Variants in FAF1 observed in about 807,000 individuals in gnomAD.
FAF1 encodes FAS-associated factor 1.
A neutral mutation model predicts 92.5 loss-of-function variants in FAF1; 25 were observed. The observed-to-expected ratio is 0.27, with a 90% CI of 0.20 to 0.38. The LOEUF (loss-of-function observed/expected upper bound fraction) is 0.38, where lower values mean the gene tolerates loss of function less well. FAF1 is among the 10% of genes least tolerant of loss of function. The pLI, the probability that FAF1 is intolerant of heterozygous loss-of-function variation, is 1.00. For missense variants in FAF1, 636 were observed against 793.3 expected, an observed-to-expected ratio of 0.80 and a Z score of 2.38; for synonymous variants, 234 against 273.2, an observed-to-expected ratio of 0.86 and a Z score of 1.42.
At chr1:50,443,426 G>A (rs532148828) in intron 18 of FAF1, among the ~76,000 whole-genome samples, 2 of 152,262 alleles carry the variant, frequency 1.3e-5, no homozygotes, top group South Asian at 2.1e-4. Flanking sequence ...TTTCTTGAAC[G>A]CCTACTATAT....
chr1:50,810,603 T>G (rs1443518157), intron 2 of FAF1, among the ~76,000 whole-genome samples: 5 of 152,102 alleles, frequency 3.3e-5, no homozygotes, highest in Non-Finnish European at 5.9e-5. Context: ...GAGAAAGAAA[T>G]AAAAGGCATC....
At chr1:50,951,611 T>G (rs986294881) in intron 1 of FAF1, among the ~76,000 whole-genome samples, 2 of 152,212 alleles carry the variant, frequency 1.3e-5, no homozygotes, top group African/African-American at 2.4e-5. Flanking sequence ...ACCATTAAAT[T>G]TAATTCTACA....
intron 1 of FAF1, among the ~76,000 whole-genome samples, chr1:50,940,920 T>C (rs1029869165): frequency 8.5e-5 from 13 of 152,168 alleles, no homozygotes; most frequent in African/African-American, 2.9e-4. Flanking sequence ...AAAACTACAC[T>C]GTCCTCTCTT....
At chr1:50,762,924 T>C (rs1192337229) in intron 4 of FAF1, among the ~76,000 whole-genome samples, 1 of 152,074 alleles carries the variant, frequency 6.6e-6, no homozygotes, top group Non-Finnish European at 1.5e-5. Context: ...GGGAGAAAAT[T>C]TTCACAACCT....
intron 4 of FAF1, among the ~76,000 whole-genome samples, chr1:50,760,507 C>G (rs960310284): frequency 6.6e-6 from 1 of 152,124 alleles, no homozygotes; most frequent in African/African-American, 2.4e-5. Flanking sequence ...ACGGTGCAAT[C>G]AAACTAGAAC....
intron 1 of FAF1, among the ~76,000 whole-genome samples, chr1:50,864,177 G>A (rs1570070182): frequency 6.7e-6 from 1 of 150,176 alleles, no homozygotes; most frequent in Non-Finnish European, 1.5e-5. Flanking sequence ...TTAATTTTTT[G>A]AAGGGTTTTT....
chr1:50,867,990 C>T (rs1644496398), intron 1 of FAF1, among the ~76,000 whole-genome samples: 1 of 152,118 alleles, frequency 6.6e-6, no homozygotes, highest in Non-Finnish European at 1.5e-5. Context: ...TGGAATACTA[C>T]TCAGCCATAA....
chr1:50,512,228 A>C (rs911662419), intron 15 of FAF1, among the ~76,000 whole-genome samples: 1 of 152,170 alleles, frequency 6.6e-6, no homozygotes, highest in Non-Finnish European at 1.5e-5. Flanking sequence ...GCTGTGCAAG[A>C]AGCTCTTCAG....
chr1:50,925,943 G>A (rs1645003129), intron 1 of FAF1, among the ~76,000 whole-genome samples: 1 of 152,206 alleles, frequency 6.6e-6, no homozygotes, highest in Admixed American at 6.5e-5. Context: ...GCCAGATGTA[G>A]TGTGCCTCAT....
intron 8 of FAF1, among the ~76,000 whole-genome samples, chr1:50,644,526 T>C (rs1042604508): frequency 3.9e-5 from 6 of 152,234 alleles, no homozygotes; most frequent in African/African-American, 1.4e-4. Context: ...CTGCTGGTAG[T>C]CTGCTTTGCA....
chr1:50,922,458 C>CAAAAAAAAAA, intron 1 of FAF1, among the ~76,000 whole-genome samples: 21 of 37,242 alleles, frequency 5.6e-4, no homozygotes, highest in South Asian at 1.9e-3. Flanking sequence ...GACTCTGCCT[C>CAAAAAAAAAA]AAAAAAAAAA....
chr1:50,729,999 G>A (rs934071032), intron 6 of FAF1, among the ~76,000 whole-genome samples: 56 of 152,158 alleles, frequency 3.7e-4, no homozygotes, highest in African/African-American at 1.3e-3. Context: ...CCAGCCTGGT[G>A]ACAGAGAGAG....
intron 1 of FAF1, among the ~76,000 whole-genome samples, chr1:50,866,875 A>G (rs1644485864): frequency 1.3e-5 from 2 of 152,184 alleles, no homozygotes; most frequent in South Asian, 4.1e-4. Context: ...GTGACCATAT[A>G]GCCAAAATAA....
At chr1:50,703,231 A>T (rs1378919881) in intron 7 of FAF1, among the ~76,000 whole-genome samples, 4 of 152,200 alleles carry the variant, frequency 2.6e-5, no homozygotes, top group Non-Finnish European at 5.9e-5. Flanking sequence ...TTATAAAATA[A>T]AACTACAAAA....
intron 2 of FAF1, among the ~76,000 whole-genome samples, chr1:50,844,098 A>T (rs1465226957): frequency 6.6e-6 from 1 of 152,024 alleles, no homozygotes; most frequent in East Asian, 1.9e-4. Flanking sequence ...ATATCTCATT[A>T]TGGTTTTGGT....
At chr1:50,597,540 AT>A (rs1467645316) in intron 8 of FAF1, among the ~76,000 whole-genome samples, 1 of 152,158 alleles carries the variant, frequency 6.6e-6, no homozygotes, top group Non-Finnish European at 1.5e-5. Flanking sequence ...TAATATTAAC[AT>A]TATTTTAAGT....
chr1:50,792,690 G>T (rs958747071), intron 3 of FAF1, among the ~76,000 whole-genome samples: 6 of 152,168 alleles, frequency 3.9e-5, no homozygotes, highest in Admixed American at 3.9e-4. Context: ...GGAGGATACT[G>T]CATTAAAGCA....
At chr1:50,801,241 A>AAAAAGTC (rs1204920197) in intron 3 of FAF1, among the ~76,000 whole-genome samples, 1 of 152,198 alleles carries the variant, frequency 6.6e-6, no homozygotes, top group East Asian at 1.9e-4. Flanking sequence ...AGGGAAGGAG[A>AAAAAGTC]AAAAGTCTGT....
chr1:50,751,990 GAC>G lies in FAF1; in HGVS notation c.368-7217_368-7216del, dbSNP rs537196323. 6.2e-4 allele frequency among the ~76,000 whole-genome samples: 94 copies of G among 152,020 alleles called. 1 individual carries two copies. In the South Asian group the frequency reaches 0.017, roughly 28 times the overall value. ...TTTTGTTTTTGTTTTTGTTTTTTGA[GAC>G]ACAGTCTCACTCTATTGCCCAGGCT... On this transcript the variant is annotated intron_variant, in intron 4 of 18. Transcript: ENST00000396153.
Sources: gnomAD v4.1 joint callset for allele counts (sites outside exome capture counted in the v4.1 genomes callset) on GRCh38, gnomAD v4.1.1 for gene constraint, MANE v1.5 for transcripts, NCBI Gene and HGNC (gene_info 2026-07-23, HGNC 2026-07-21) for gene names.